The following IAH1 variants were observed in gnomAD, a reference collection of about 807,000 sequenced individuals.
IAH1 encodes isoamyl acetate-hydrolyzing esterase 1 homolog.
A neutral mutation model predicts 26.7 loss-of-function variants in IAH1; 24 were observed. The ratio of observed to expected loss-of-function variants is 0.90; its 90% CI spans 0.65 to 1.26. The LOEUF (loss-of-function observed/expected upper bound fraction) is 1.26. IAH1 is among the 50% of genes most tolerant of loss of function. The pLI, the probability that IAH1 is intolerant of heterozygous loss-of-function variation, is 0.00. For missense variants in IAH1, 300 were observed against 299.9 expected (o/e 1.00, Z 0.00); for synonymous variants, 140 against 118.5 (o/e 1.18, Z -1.18).
downstream of IAH1, among the ~76,000 whole-genome samples, chr2:9,491,906 C>T (rs928676579): frequency 2.6e-5 from 4 of 152,204 alleles, no homozygotes; most frequent in Non-Finnish European, 5.9e-5. Flanking sequence ...AAATAGGTTC[C>T]ATCCTCCAAT....
intron 1 of IAH1, chr2:9,475,170 T>C: frequency 7.8e-7 from 1 of 1,288,748 alleles, no homozygotes; most frequent in African/African-American, 1.5e-5. Flanking sequence ...CATCCGTTCA[T>C]CCAAGATCAT....
the IAH1 span, among the ~76,000 whole-genome samples, chr2:9,510,663 C>CAA: frequency 1.2e-4 from 10 of 84,788 alleles, no homozygotes; most frequent in South Asian, 8.1e-4. Context: ...GACTTCGTCT[C>CAA]AAAAAAAAAA....
chr2:9,482,829 G>A (rs540274157), intron 4 of IAH1, among the ~76,000 whole-genome samples: 59 of 152,364 alleles, frequency 3.9e-4, no homozygotes, highest in African/African-American at 1.1e-3. Context: ...CCTGCGGGAC[G>A]TGGTGACAGT....
At chr2:9,483,775 TAC>T (rs1306954658) in intron 4 of IAH1, among the ~76,000 whole-genome samples, 2 of 152,194 alleles carry the variant, frequency 1.3e-5, no homozygotes, top group African/African-American at 2.4e-5. Context: ...TTGTGTTAGA[TAC>T]ACTCAATCGT....
At position 9,474,940 on chromosome 2, in the gene IAH1, C is replaced by A. The variant is rs977830936; in HGVS notation, c.81+293C>A. 3 of 903,932 alleles carry A rather than the reference C, an allele frequency of 3.3e-6. No homozygotes were observed. The highest frequency in any genetic ancestry group is 4.1e-6 in the Non-Finnish European group (3 of 727,586). 56.0% of individuals were successfully genotyped at this position (903,932 alleles called of 1,614,324 possible). On this transcript the variant is annotated intron_variant, in intron 1 of 5. Coordinates refer to ENST00000497473, the MANE Select transcript of IAH1 (RefSeq NM_001039613.3). The surrounding 1 kb of genome is among the most constrained non-coding windows in gnomAD (Gnocchi z 4.3). The stretch of plus-strand genomic sequence containing the variant: ...GCCGCCTCCCACCCGGGTCGAGATG[C>A]GCGGTCTTCCCCTCAGCGCCCTCCT...
At chr2:9,473,886 A>G (rs1393503969), upstream of IAH1, 1 of 152,190 alleles carries the variant, frequency 6.6e-6, no homozygotes, top group Admixed American at 6.5e-5. Context: ...GCCGAACTTC[A>G]TTGCACAGTT....
At chr2:9,499,243 T>A (rs1426841690), downstream of IAH1, among the ~76,000 whole-genome samples, 1 of 152,138 alleles carries the variant, frequency 6.6e-6, no homozygotes, top group South Asian at 2.1e-4. Context: ...AAAGGCTGTT[T>A]GATAAGAACA....
downstream of IAH1, among the ~76,000 whole-genome samples, chr2:9,500,083 A>AAACTCATAG (rs1662908661): frequency 1.8e-5 from 2 of 108,310 alleles, no homozygotes; most frequent in African/African-American, 6.4e-5. Context: ...GTCCACACAA[A>AAACTCATAG]AACTCATAGA....
chr2:9,476,074 A>G (rs772662885), intron 2 of IAH1, 35 bp downstream of exon 2: 10 of 1,554,846 alleles, frequency 6.4e-6, no homozygotes, highest in African/African-American at 4.1e-5. Flanking sequence ...GTTCTTATGG[A>G]TGGAAAATGT....
the IAH1 span, among the ~76,000 whole-genome samples, chr2:9,510,581 T>C: frequency 0.063 from 9,632 of 152,028 alleles, 1,080 homozygotes; most frequent in African/African-American, 0.22. Flanking sequence ...GGAGAACTGC[T>C]TGAACCCAGG....
At chr2:9,475,745 C>T (rs1682451894) in intron 1 of IAH1, 3 of 561,642 alleles carry the variant, frequency 5.3e-6, no homozygotes, top group South Asian at 4.2e-5. Flanking sequence ...ATGTGATCCG[C>T]CCGCCTTGGC....
the IAH1 span, among the ~76,000 whole-genome samples, chr2:9,511,872 G>A: frequency 6.6e-6 from 1 of 152,082 alleles, no homozygotes; most frequent in Non-Finnish European, 1.5e-5. Context: ...TTGGGAGGCT[G>A]AGCCAGAAGA....
At chr2:9,505,607 G>A in the IAH1 span, 5 of 506,982 alleles carry the variant, frequency 9.9e-6, no homozygotes, top group Admixed American at 6.4e-5. Flanking sequence ...TTCTTCTTAC[G>A]AAGGTAAGCA....
the IAH1 span, among the ~76,000 whole-genome samples, chr2:9,511,246 C>T: frequency 4.6e-5 from 7 of 152,052 alleles, no homozygotes; most frequent in Non-Finnish European, 8.8e-5. Flanking sequence ...GTCAGGAGTT[C>T]GAGACCAGCC....
At chr2:9,480,591 A>G (rs1159232987) in intron 3 of IAH1, among the ~76,000 whole-genome samples, 1 of 152,224 alleles carries the variant, frequency 6.6e-6, no homozygotes, top group African/African-American at 2.4e-5. Context: ...ATGTATCTTC[A>G]TGAAAAGACC....
At chr2:9,479,652 C>G (rs1161907143) in intron 3 of IAH1, among the ~76,000 whole-genome samples, 1 of 152,194 alleles carries the variant, frequency 6.6e-6, no homozygotes, top group Non-Finnish European at 1.5e-5. Context: ...GGAACTCTTA[C>G]ATTCCTGGTG....
At chr2:9,508,475 A>T in the IAH1 span, among the ~76,000 whole-genome samples, 14 of 152,332 alleles carry the variant, frequency 9.2e-5, no homozygotes, top group Non-Finnish European at 1.8e-4. Flanking sequence ...CAAGTATATA[A>T]CTCAGTGATT....
intron 5 of IAH1, chr2:9,487,343 G>A (rs967207646): frequency 6.6e-6 from 1 of 152,128 alleles, no homozygotes; most frequent in Non-Finnish European, 1.5e-5. Flanking sequence ...AGGTTAGATG[G>A]TAGAAGTTCT....
the IAH1 span, chr2:9,506,925 C>T: frequency 6.6e-6 from 1 of 152,196 alleles, no homozygotes; most frequent in South Asian, 2.1e-4. Context: ...GCCTACACAT[C>T]CCTGAAGATC....
Sources: gnomAD v4.1 joint callset for allele counts (sites outside exome capture counted in the v4.1 genomes callset) on GRCh38, gnomAD v4.1.1 for gene constraint, Gnocchi (gnomAD v3.1) non-coding constraint, MANE v1.5 for transcripts, NCBI Gene and HGNC (gene_info 2026-07-23, HGNC 2026-07-21) for gene names.